Variants in ZC3H14 observed in about 807,000 individuals in gnomAD.
ZC3H14 encodes zinc finger CCCH domain-containing protein 14.
ZC3H14 carries 31 observed loss-of-function variants against 92.4 expected under a neutral mutation model. That is an observed-to-expected ratio of 0.34 (90% CI 0.25 to 0.45). The LOEUF (loss-of-function observed/expected upper bound fraction) is 0.45. Among genes scored for constraint, ZC3H14 ranks in the 20% least tolerant of loss-of-function variants. ZC3H14 has a pLI of 1.00. For synonymous variants in ZC3H14, 321 were observed against 300.9 expected (o/e 1.07, Z -0.69); for missense variants, 781 against 897.3 (o/e 0.87, Z 1.66).
At chr14:88,609,073 T>A in intron 13 of ZC3H14, 194 bp from the exon 14 acceptor site, 1 of 674,590 alleles carries the variant, frequency 1.5e-6, no homozygotes, top group Non-Finnish European at 2.4e-6. Context: ...GTGTTTGTGT[T>A]ATCCCAAGCT....
Position 88,620,678 on chromosome 14 carries a change from C to T in ZC3H14, c.*8927C>T. ...GGCCCTGGGGACCTCTTTTTGAAGG[C>T]AAGGCTATGGAAAATTTTACAAATG... On this transcript the variant is annotated 3_prime_UTR_variant, in exon 17 of 17. Transcript: ENST00000251038. The surrounding 1 kb of genome is among the most constrained non-coding windows in gnomAD (Gnocchi z 4.3). 1 of 1,317,090 alleles carries T rather than the reference C, an allele frequency of 7.6e-7. No homozygotes were observed. Among genetic ancestry groups the T allele is most frequent in the Non-Finnish European group, 9.9e-7 (1 of 1,007,838 alleles). The allele number at this position is 1,317,090 out of a possible 1,614,324, so 81.6% of individuals were successfully genotyped here.
chr14:88,599,290 C>G (rs778112652), intron 10 of ZC3H14, among the ~76,000 whole-genome samples: 4 of 152,274 alleles, frequency 2.6e-5, no homozygotes, highest in Admixed American at 2.6e-4. Flanking sequence ...TTACAGATCC[C>G]CTGAGTTCTT....
In ZC3H14 at chr14:88,626,745, G is replaced by T; in HGVS notation, c.*14994G>T. 8.0e-7 allele frequency: 1 copy of T among 1,244,966 alleles called. No individual in the cohort carries two copies. Among genetic ancestry groups the T allele is most frequent in the Non-Finnish European group, 1.1e-6 (1 of 880,390 alleles). The allele number at this position is 1,244,966 out of a possible 1,614,324, so 77.1% of individuals were successfully genotyped here. ...GGCATGTAATGATTAGCAGATCACAGTATCATCTCAACAACATTCATGTGG... is the reference window on the plus strand; with the variant it reads ...GGCATGTAATGATTAGCAGATCACATTATCATCTCAACAACATTCATGTGG... On this transcript the variant is annotated 3_prime_UTR_variant, in exon 17 of 17. Coordinates refer to ENST00000251038, the MANE Select transcript of ZC3H14 (RefSeq NM_024824.5).
intron 9 of ZC3H14, chr14:88,591,561 A>C (rs1297968910): frequency 6.6e-6 from 1 of 152,230 alleles, no homozygotes. Flanking sequence ...TATGCTTGAT[A>C]CATTGTGTTG....
intron 12 of ZC3H14, among the ~76,000 whole-genome samples, chr14:88,603,718 G>A (rs1220866182): frequency 6.6e-6 from 1 of 152,136 alleles, no homozygotes; most frequent in Non-Finnish European, 1.5e-5. Flanking sequence ...ATATTTAGAA[G>A]CACCTCTTCA....
In ZC3H14 at chr14:88,563,130, AG is replaced by A; in HGVS notation, c.-3del. The A allele has an allele frequency of 6.3e-7, 1 of 1,595,298 alleles. No homozygotes were observed. Among genetic ancestry groups the A allele is most frequent in the Non-Finnish European group, 8.5e-7 (1 of 1,174,486 alleles). On this transcript the variant is annotated 5_prime_UTR_variant, in exon 1 of 17. Transcript: ENST00000251038. Reference sequence around the variant, plus strand: ...AGTGCTGAGTTCCCGCACGCCGCAGAGCCATGGAGATCGGCACCGAGATCAG... The same window carrying A: ...AGTGCTGAGTTCCCGCACGCCGCAGACCATGGAGATCGGCACCGAGATCAG...
At chr14:88,571,913 G>A (rs1354998271) in intron 4 of ZC3H14, 117 bp from the exon 5 acceptor site, 9 of 786,844 alleles carry the variant, frequency 1.1e-5, no homozygotes, top group African/African-American at 5.5e-5. Context: ...GCAGGGAGCC[G>A]AGAACGCGCC....
At chr14:88,610,129 TGAA>T (rs1321507397) in intron 15 of ZC3H14, among the ~76,000 whole-genome samples, 4 of 152,294 alleles carry the variant, frequency 2.6e-5, no homozygotes, top group Admixed American at 2.6e-4. Flanking sequence ...AGAACTGAGA[TGAA>T]GAAATCCAGT....
At position 88,572,621 on chromosome 14, in the gene ZC3H14, G is replaced by T; in HGVS notation, c.475G>T (p.Val159Leu). ...AGCTGCAACCCGACTAATGTCAACAGTGAAACCTTTGAGGGAGCCAGCACC... is the reference window on the plus strand; with the variant it reads ...AGCTGCAACCCGACTAATGTCAACATTGAAACCTTTGAGGGAGCCAGCACC... ...DGAATRLMST[V>L]KPLREPAPSE... The change falls in exon 6 of 17, where the codon GTG becomes TTG. Residue 159 changes from valine (V) to leucine (L), a missense_variant. Physicochemically the swap from Val to Leu is conservative, Grantham distance 32. This residue lies in a region of ZC3H14 where 454 missense variants were observed against 438.5 expected (regional missense o/e 1.04). Transcript: ENST00000251038. 1 of 1,614,196 alleles carries T rather than the reference G, an allele frequency of 6.2e-7. No individual in the cohort carries two copies. Among genetic ancestry groups the T allele is most frequent in the Non-Finnish European group, 8.5e-7 (1 of 1,180,040 alleles).
At position 88,621,117 on chromosome 14, in the gene ZC3H14, T is replaced by A; in HGVS notation, c.*9366T>A. ...AAAAAAATTATCTGTACTTACTTTA[T>A]CAGCAATATCCCAAAGTCTCACTGT... is the stretch of plus-strand genomic sequence containing the variant. On this transcript the variant is annotated 3_prime_UTR_variant, in exon 17 of 17. Transcript: ENST00000251038. 6.2e-7 allele frequency: 1 copy of A among 1,613,512 alleles called. No individual in the cohort carries two copies. The highest frequency in any genetic ancestry group is 8.5e-7 in the Non-Finnish European group (1 of 1,179,744).
intron 10 of ZC3H14, among the ~76,000 whole-genome samples, chr14:88,600,375 G>GT (rs1213132210): frequency 1.3e-5 from 2 of 151,730 alleles, no homozygotes; most frequent in African/African-American, 4.8e-5. Context: ...CCTTAACACT[G>GT]TTTTTCTAAA....
chr14:88,618,026 A>G lies in ZC3H14; in HGVS notation c.*6275A>G, dbSNP rs1391810384. 2.7e-6 allele frequency: 1 copy of G among 369,194 alleles called. No individual in the cohort carries two copies. The highest frequency in any genetic ancestry group is 4.8e-6 in the Non-Finnish European group (1 of 207,760). 22.9% of individuals were successfully genotyped at this position (369,194 alleles called of 1,614,324 possible). A position where few individuals can be genotyped will look rare whatever the true frequency, so the allele number is the denominator to read the frequency against. On this transcript the variant is annotated 3_prime_UTR_variant, in exon 17 of 17. Coordinates refer to ENST00000251038, the MANE Select transcript of ZC3H14 (RefSeq NM_024824.5). ...TTGATTTCCTTAAAAAAAAAACTTG[A>G]TAAATCATGGAAACTGATAAAACAT...
intron 8 of ZC3H14, among the ~76,000 whole-genome samples, chr14:88,577,540 A>G (rs1324839045): frequency 6.6e-6 from 1 of 150,990 alleles, no homozygotes; most frequent in Non-Finnish European, 1.5e-5. Context: ...TATGGATTGA[A>G]CTCCTCATAT....
Position 88,617,142 on chromosome 14 carries a change from T to C in ZC3H14, c.*5391T>C. 3.7e-6 allele frequency: 1 copy of C among 272,724 alleles called. No individual in the cohort carries two copies. 16.9% of individuals were successfully genotyped at this position (272,724 alleles called of 1,614,324 possible). A position where few individuals can be genotyped will look rare whatever the true frequency, so the allele number is the denominator to read the frequency against. On this transcript the variant is annotated 3_prime_UTR_variant, in exon 17 of 17. Coordinates refer to ENST00000251038, the MANE Select transcript of ZC3H14 (RefSeq NM_024824.5). ...AGTACTTTATGAAAACTGATAGAAC[T>C]ATTTTTTCTTTTTTTTTTTTTGAGA... is the stretch of plus-strand genomic sequence containing the variant.
At chr14:88,573,418 A>G (rs550876608) in intron 6 of ZC3H14, among the ~76,000 whole-genome samples, 2 of 152,126 alleles carry the variant, frequency 1.3e-5, no homozygotes, top group Non-Finnish European at 1.5e-5. Context: ...AAAAACACAT[A>G]TTCCAAATTT....
In ZC3H14 at chr14:88,614,615, A is replaced by G. The variant is rs1470160586; in HGVS notation, c.*2864A>G. 1 of 152,238 alleles carries G rather than the reference A, an allele frequency of 6.6e-6. No individual in the cohort carries two copies. Among genetic ancestry groups the G allele is most frequent in the Non-Finnish European group, 1.5e-5 (1 of 68,042 alleles). The allele number at this position is 152,238 out of a possible 1,614,324, so 9.4% of individuals were successfully genotyped here. A position where few individuals can be genotyped will look rare whatever the true frequency, so the allele number is the denominator to read the frequency against. On this transcript the variant is annotated 3_prime_UTR_variant, in exon 17 of 17. Coordinates refer to ENST00000251038, the MANE Select transcript of ZC3H14 (RefSeq NM_024824.5). Reference sequence around the variant, plus strand: ...TCTTAAACCTCACACTTAGAAAAATATATTTTTAAATAGCAGTCTACATAA... The same window carrying G: ...TCTTAAACCTCACACTTAGAAAAATGTATTTTTAAATAGCAGTCTACATAA...
chr14:88,595,128 T>C, intron 9 of ZC3H14: 1 of 1,604,494 alleles, frequency 6.2e-7, no homozygotes, highest in Non-Finnish European at 8.5e-7. Flanking sequence ...TCTTAATATA[T>C]GATATGTTCT....
chr14:88,563,743 A>G, intron 2 of ZC3H14, 50 bp downstream of exon 2: 2 of 1,569,500 alleles, frequency 1.3e-6, no homozygotes, highest in East Asian at 2.2e-5. Context: ...GTTTGCAGCT[A>G]ATAGAATTTT....
chr14:88,609,626 C>T (rs1595118860), intron 14 of ZC3H14, 86 bp from the exon 15 acceptor site: 1 of 1,523,914 alleles, frequency 6.6e-7, no homozygotes, highest in Admixed American at 1.7e-5. Flanking sequence ...AAATGGTTTT[C>T]ACTTTCAAAA....
Sources: allele counts gnomAD v4.1 joint callset (sites outside exome capture counted in the v4.1 genomes callset), GRCh38; gene constraint gnomAD v4.1.1; regional missense constraint gnomAD v4.1.1; non-coding constraint Gnocchi (gnomAD v3.1); transcripts MANE v1.5; gene names NCBI Gene and HGNC (gene_info 2026-07-23, HGNC 2026-07-21).